The following SFMBT2 variants were observed in gnomAD, a reference collection of about 807,000 sequenced individuals.
SFMBT2 encodes scm-like with four MBT domains protein 2.
SFMBT2 carries 38 observed loss-of-function variants against 110.1 expected under a neutral mutation model. The observed-to-expected ratio is 0.35, with a 90% CI of 0.27 to 0.45. SFMBT2 has a LOEUF of 0.45. Ranked by LOEUF, SFMBT2 falls within the 20% of genes least tolerant of loss-of-function variation. SFMBT2 has a pLI of 1.00. For missense variants in SFMBT2, 1,011 were observed against 1,094.9 expected (o/e 0.92, Z 1.08); for synonymous variants, 425 against 425.4 (o/e 1.00, Z 0.01).
chr10:7,366,252 T>G (rs1186824579), intron 4 of SFMBT2, among the ~76,000 whole-genome samples: 1 of 151,738 alleles, frequency 6.6e-6, no homozygotes, highest in Admixed American at 6.6e-5. Context: ...CAATAAAGGG[T>G]CAAAATGTCA....
At chr10:7,291,639 A>G (rs569890117) in intron 4 of SFMBT2, among the ~76,000 whole-genome samples, 137 of 152,302 alleles carry the variant, frequency 9.0e-4, no homozygotes, top group African/African-American at 3.2e-3. Flanking sequence ...TTAAATATGA[A>G]ACAACAGAAA....
At chr10:7,286,430 TGAAATGGA>T in intron 4 of SFMBT2, 3 of 952,832 alleles carry the variant, frequency 3.1e-6, no homozygotes, top group Non-Finnish European at 3.7e-6. Context: ...GGACTGAAGG[TGAAATGGA>T]GAAATAGAGA....
intron 2 of SFMBT2, among the ~76,000 whole-genome samples, chr10:7,377,619 G>T (rs2892431): frequency 6.6e-6 from 1 of 151,936 alleles, no homozygotes; most frequent in Non-Finnish European, 1.5e-5. Context: ...CATAAGGACC[G>T]TGCAACCTAG....
At chr10:7,165,107 A>G (rs1190927770) in intron 20 of SFMBT2, among the ~76,000 whole-genome samples, 1 of 152,088 alleles carries the variant, frequency 6.6e-6, no homozygotes. Flanking sequence ...GATGATCTCA[A>G]TCGTCCAGAG....
At chr10:7,378,108 T>C (rs908415528) in intron 2 of SFMBT2, among the ~76,000 whole-genome samples, 10 of 144,250 alleles carry the variant, frequency 6.9e-5, no homozygotes, top group Non-Finnish European at 1.5e-4. Context: ...AGTGTATGGA[T>C]GGGTGGATGA....
intron 12 of SFMBT2, chr10:7,202,869 T>C: frequency 1.0e-6 from 1 of 985,164 alleles, no homozygotes; most frequent in Non-Finnish European, 1.2e-6. Context: ...TCCGGAATGA[T>C]TTTTTTCCAA....
chr10:7,245,084 C>G (rs901740526), intron 8 of SFMBT2, among the ~76,000 whole-genome samples: 1 of 152,180 alleles, frequency 6.6e-6, no homozygotes, highest in African/African-American at 2.4e-5. Flanking sequence ...TGCCTACCAA[C>G]AGGGAAACTA....
rs139316325 is a variant in SFMBT2, at chr10:7,293,413, T to TA, written c.437-7460dup. Reference sequence around the variant, plus strand: ...TGTGCCTGGTCAAAGTATTTTTTTTTAATGTGAAGGTAAAGCTAATGGGAT... The same window carrying TA: ...TGTGCCTGGTCAAAGTATTTTTTTTTAAATGTGAAGGTAAAGCTAATGGGAT... On this transcript the variant is annotated intron_variant, in intron 4 of 20. Transcript: ENST00000397167. The surrounding 1 kb of genome is among the most constrained non-coding windows in gnomAD (Gnocchi z 4.6). Among the ~76,000 whole-genome samples the TA allele has an allele frequency of 6.6e-6, 1 of 152,044 alleles. No individual in the cohort carries two copies. Among genetic ancestry groups the TA allele is most frequent in the African/African-American group, 2.4e-5 (1 of 41,364 alleles).
intron 9 of SFMBT2, among the ~76,000 whole-genome samples, chr10:7,234,831 G>C (rs1335827650): frequency 2.0e-5 from 3 of 152,196 alleles, no homozygotes; most frequent in African/African-American, 7.2e-5. Context: ...CTGAAAGCCA[G>C]AGCTGAGCAG....
chr10:7,336,771 A>C (rs1045223829), intron 4 of SFMBT2, among the ~76,000 whole-genome samples: 2 of 152,186 alleles, frequency 1.3e-5, no homozygotes, highest in African/African-American at 4.8e-5. Context: ...CAAATTTATG[A>C]GAAGGTTAAC....
intron 4 of SFMBT2, among the ~76,000 whole-genome samples, chr10:7,349,623 A>G (rs1046821503): frequency 9.3e-5 from 14 of 150,848 alleles, no homozygotes; most frequent in African/African-American, 3.2e-4. Flanking sequence ...ACACCCAGCT[A>G]ATTTTTTGTA....
At chr10:7,221,935 C>T (rs1276621370) in intron 10 of SFMBT2, among the ~76,000 whole-genome samples, 2 of 152,192 alleles carry the variant, frequency 1.3e-5, no homozygotes, top group African/African-American at 2.4e-5. Context: ...TTAGTCCCTC[C>T]AAAGCACTCA....
intron 4 of SFMBT2, among the ~76,000 whole-genome samples, chr10:7,309,997 T>G (rs1842805384): frequency 6.6e-6 from 1 of 152,160 alleles, no homozygotes; most frequent in Admixed American, 6.5e-5. Context: ...AGCGCTGTAT[T>G]CTGCAGATGT....
In SFMBT2 at chr10:7,176,002, T is replaced by C. The variant is rs747927679; in HGVS notation, c.1972A>G (p.Lys658Glu). The change falls in exon 17 of 21, where the codon AAA (lysine) becomes GAA (glutamate). Residue 658 changes from lysine (K) to glutamate (E), a missense_variant. Lys to Glu is a moderately conservative substitution (Grantham distance 56). Coordinates refer to ENST00000397167, the MANE Select transcript of SFMBT2 (RefSeq NM_001387889.1). ...TATTTGTACTTACTGTATTTGGTTT[T>C]GGTATGAATGGAGCAGTTCTCTGGG... is the stretch of plus-strand genomic sequence containing the variant. ...NCPENCSIHT[K>E]TKYTYYYGKR... The C allele has an allele frequency of 6.2e-7, 1 of 1,613,208 alleles. No homozygotes were observed. The highest frequency in any genetic ancestry group is 8.5e-7 in the Non-Finnish European group (1 of 1,179,250).
chr10:7,405,628 C>G (rs1846189673), intron 1 of SFMBT2, among the ~76,000 whole-genome samples: 1 of 152,138 alleles, frequency 6.6e-6, no homozygotes, highest in African/African-American at 2.4e-5. Flanking sequence ...AGATGAATCT[C>G]TTGGGCCTAT....
chr10:7,349,440 C>CTATTTTTTTTTT lies in SFMBT2; in HGVS notation c.436+18208_436+18209insAAAAAAAAAATA, dbSNP rs1844233350. Among the ~76,000 whole-genome samples, 5 of 46,888 alleles carry CTATTTTTTTTTT rather than the reference C, an allele frequency of 1.1e-4. 1 individual carries two copies. Among genetic ancestry groups the CTATTTTTTTTTT allele is most frequent in the South Asian group, 2.3e-3 (2 of 868 alleles). 30.8% of individuals were successfully genotyped at this position (46,888 alleles called of 152,430 possible). ...CCCTGACTCTTTTTTCTTTTCTTTT[C>CTATTTTTTTTTT]TTTTTTTTTTTTTTTTTTTTTTTTT... is the stretch of plus-strand genomic sequence containing the variant. On this transcript the variant is annotated intron_variant, in intron 4 of 20. Transcript: ENST00000397167.
chr10:7,212,095 G>A (rs1839371041), intron 11 of SFMBT2, among the ~76,000 whole-genome samples: 1 of 152,216 alleles, frequency 6.6e-6, no homozygotes. Context: ...ACTGCTAAGG[G>A]ACTTGGAGGC....
chr10:7,303,543 T>TCCCCTA (rs1842613489), intron 4 of SFMBT2, among the ~76,000 whole-genome samples: 1 of 152,148 alleles, frequency 6.6e-6, no homozygotes, highest in Non-Finnish European at 1.5e-5. Context: ...AAGGGTGGTG[T>TCCCCTA]AATAAAATAG....
chr10:7,253,107 ACCCCAACTCCACAGGGCCAGAAG>A (rs1463657757), intron 7 of SFMBT2, among the ~76,000 whole-genome samples: 1 of 152,030 alleles, frequency 6.6e-6, no homozygotes, highest in African/African-American at 2.4e-5. Context: ...AGGTGGGGGC[ACCCCAACTCCACAGGGCCAGAAG>A]CCCCTGTGCC....
Sources: gnomAD v4.1 joint callset for allele counts (sites outside exome capture counted in the v4.1 genomes callset) on GRCh38, gnomAD v4.1.1 for gene constraint, Gnocchi (gnomAD v3.1) non-coding constraint, MANE v1.5 for transcripts, NCBI Gene and HGNC (gene_info 2026-07-23, HGNC 2026-07-21) for gene names.